The following NTPCR variants were observed in gnomAD, a reference collection of about 807,000 sequenced individuals.
NTPCR encodes cancer-related nucleoside-triphosphatase.
In NTPCR, 15 loss-of-function variants were observed where a neutral mutation model predicts 19.5. The ratio of observed to expected loss-of-function variants is 0.77; its 90% CI spans 0.51 to 1.18. The LOEUF is 1.18. Ranked by LOEUF, NTPCR falls within the 50% of genes most tolerant of loss-of-function variation. The pLI is 0.00. For synonymous variants in NTPCR, 90 were observed against 95.8 expected (o/e 0.94, Z 0.36); for missense variants, 206 against 240.4 (o/e 0.86, Z 0.95).
In NTPCR at chr1:232,982,368, C is replaced by T. The variant is rs1037583282; in HGVS notation, c.*4137C>T. 2.6e-5 allele frequency: 4 copies of T among 152,194 alleles called. No individual in the cohort carries two copies. The highest frequency in any genetic ancestry group is 6.5e-5 in the Admixed American group (1 of 15,278). 9.4% of individuals were successfully genotyped at this position (152,194 alleles called of 1,614,324 possible). On this transcript the variant is annotated 3_prime_UTR_variant, in exon 5 of 5. Transcript: ENST00000366628. Reference sequence around the variant, plus strand: ...TGCGGATGTGTGTGCACATCTGTGCCTCGGTATGCACACTCGAGATGCCCG... The same window carrying T: ...TGCGGATGTGTGTGCACATCTGTGCTTCGGTATGCACACTCGAGATGCCCG...
chr1:232,975,395 C>A (rs1265130083), intron 4 of NTPCR, among the ~76,000 whole-genome samples: 1 of 152,178 alleles, frequency 6.6e-6, no homozygotes, highest in African/African-American at 2.4e-5. Context: ...ATCTGCTGGG[C>A]ACAGATGCAG....
In NTPCR at chr1:232,978,239, T is replaced by A; in HGVS notation, c.*8T>A. 1 of 1,613,364 alleles carries A rather than the reference T, an allele frequency of 6.2e-7. No homozygotes were observed. Among genetic ancestry groups the A allele is most frequent in the Non-Finnish European group, 8.5e-7 (1 of 1,179,406 alleles). ...CAGAGCAGCAGGAAGTGAAGACACGTGCATTCCTGCCTTCCGTGAAGGAGT... is the reference window on the plus strand; with the variant it reads ...CAGAGCAGCAGGAAGTGAAGACACGAGCATTCCTGCCTTCCGTGAAGGAGT... On this transcript the variant is annotated 3_prime_UTR_variant, in exon 5 of 5. Transcript: ENST00000366628.
intron 3 of NTPCR, chr1:232,968,590 G>A (rs1474550129): frequency 6.6e-6 from 1 of 152,208 alleles, no homozygotes; most frequent in Non-Finnish European, 1.5e-5. Flanking sequence ...TTAGGATCTG[G>A]GCCCGCAGCC....
At chr1:232,959,728 T>C (rs1342108751) in intron 3 of NTPCR, among the ~76,000 whole-genome samples, 1 of 152,188 alleles carries the variant, frequency 6.6e-6, no homozygotes, top group Non-Finnish European at 1.5e-5. Context: ...CTGGGATCTA[T>C]GAAAACACAA....
At chr1:232,976,717 C>CA (rs1669134321) in intron 4 of NTPCR, 1 of 783,772 alleles carries the variant, frequency 1.3e-6, no homozygotes, top group African/African-American at 1.8e-5. Context: ...CAGCCAGGAC[C>CA]GGTAGAAATG....
chr1:232,981,386 T>A lies in NTPCR; in HGVS notation c.*3155T>A, dbSNP rs928362144. ...CCTCTTCTTTTCCTGCCAATTACCG[T>A]ATTCATAGAAGGTTGTGTCTGTGGA... is the stretch of plus-strand genomic sequence containing the variant. On this transcript the variant is annotated 3_prime_UTR_variant, in exon 5 of 5. Coordinates refer to ENST00000366628, the MANE Select transcript of NTPCR (RefSeq NM_032324.3). 8 of 152,224 alleles carry A rather than the reference T, an allele frequency of 5.3e-5. No homozygotes were observed. Among genetic ancestry groups the A allele is most frequent in the African/African-American group, 1.9e-4 (8 of 41,448 alleles). 9.4% of individuals were successfully genotyped at this position (152,224 alleles called of 1,614,324 possible).
In NTPCR at chr1:232,970,646, G is replaced by T. The variant is rs558220314; in HGVS notation, c.504+528G>T. 2.6e-5 allele frequency among the ~76,000 whole-genome samples: 4 copies of T among 152,298 alleles called. No homozygotes were observed. In the East Asian group the frequency reaches 7.7e-4, roughly 29 times the overall value. ...GGAAATGTGCTCTCTGCATTGCTCAGAACAGTAGCGACTAGCCACATCTCG... is the reference window on the plus strand; with the variant it reads ...GGAAATGTGCTCTCTGCATTGCTCATAACAGTAGCGACTAGCCACATCTCG... On this transcript the variant is annotated intron_variant, in intron 4 of 4. Coordinates refer to ENST00000366628, the MANE Select transcript of NTPCR (RefSeq NM_032324.3).
chr1:232,953,281 G>C (rs1668423524), intron 1 of NTPCR, among the ~76,000 whole-genome samples: 1 of 152,154 alleles, frequency 6.6e-6, no homozygotes, highest in Non-Finnish European at 1.5e-5. Flanking sequence ...TAATTCCAGA[G>C]CTTTCTGATC....
intron 3 of NTPCR, chr1:232,962,166 A>C (rs1369165712): frequency 6.6e-6 from 1 of 152,260 alleles, no homozygotes; most frequent in East Asian, 1.9e-4. Context: ...CATAGAATGG[A>C]AAGTTACTTG....
At chr1:232,976,064 A>G (rs1445715616) in intron 4 of NTPCR, among the ~76,000 whole-genome samples, 1 of 152,200 alleles carries the variant, frequency 6.6e-6, no homozygotes, top group Non-Finnish European at 1.5e-5. Context: ...AATTTTCAGA[A>G]ATAATCTTAG....
chr1:232,977,910 T>C (rs919180746), intron 4 of NTPCR, among the ~76,000 whole-genome samples: 2 of 152,178 alleles, frequency 1.3e-5, no homozygotes, highest in African/African-American at 4.8e-5. Context: ...CTCCCCATGG[T>C]TGGCTGAAAT....
chr1:232,962,520 C>CA (rs1668694661), intron 3 of NTPCR: 1 of 152,174 alleles, frequency 6.6e-6, no homozygotes, highest in Non-Finnish European at 1.5e-5. Context: ...TAGCTACCCT[C>CA]AATGCTTTAT....
chr1:232,973,550 C>G (rs952703719), intron 4 of NTPCR, among the ~76,000 whole-genome samples: 1 of 152,158 alleles, frequency 6.6e-6, no homozygotes, highest in Non-Finnish European at 1.5e-5. Flanking sequence ...TCAGGAATAC[C>G]TAAACCTGAG....
In NTPCR at chr1:232,980,961, A is replaced by G. The variant is rs932318503; in HGVS notation, c.*2730A>G. ...CAAAATATCTAACAGATGGTTGGAT[A>G]TGAGTCTCAGGGAGGAATTCAATTT... On this transcript the variant is annotated 3_prime_UTR_variant, in exon 5 of 5. Coordinates refer to ENST00000366628, the MANE Select transcript of NTPCR (RefSeq NM_032324.3). 2 of 152,200 alleles carry G rather than the reference A, an allele frequency of 1.3e-5. No homozygotes were observed. The highest frequency in any genetic ancestry group is 4.8e-5 in the African/African-American group (2 of 41,448). The allele number at this position is 152,200 out of a possible 1,614,324, so 9.4% of individuals were successfully genotyped here.
chr1:232,955,546 TTTTA>T lies in NTPCR; in HGVS notation c.35-7_35-4del, dbSNP rs1431315274. On this transcript the variant is annotated splice_region_variant and splice_polypyrimidine_tract_variant and intron_variant, in intron 1 of 4. Transcript: ENST00000366628. ...GCTTTTCTTCTTTTTTTTTTTTTTT[TTTTA>T]TTTTAGGAGTTGGAAAAACAACATT... 2 of 1,494,222 alleles carry T rather than the reference TTTTA, an allele frequency of 1.3e-6. No individual in the cohort carries two copies. The highest frequency in any genetic ancestry group is 1.3e-5 in the South Asian group (1 of 75,320). 92.6% of individuals were successfully genotyped at this position (1,494,222 alleles called of 1,614,324 possible).
intron 4 of NTPCR, among the ~76,000 whole-genome samples, chr1:232,974,662 C>G (rs1430383459): frequency 1.3e-5 from 2 of 152,288 alleles, no homozygotes; most frequent in Non-Finnish European, 2.9e-5. Context: ...TATTTTTATT[C>G]ATCTATTTGG....
At chr1:232,953,196 G>A (rs963041418) in intron 1 of NTPCR, among the ~76,000 whole-genome samples, 8 of 151,996 alleles carry the variant, frequency 5.3e-5, no homozygotes, top group Non-Finnish European at 1.0e-4. Flanking sequence ...CCATCATGTT[G>A]TCACTGCCCA....
At chr1:232,975,596 T>C (rs891540876) in intron 4 of NTPCR, among the ~76,000 whole-genome samples, 3 of 152,186 alleles carry the variant, frequency 2.0e-5, no homozygotes, top group Admixed American at 6.5e-5. Context: ...GGATTGGATC[T>C]GGAGGTCACA....
intron 1 of NTPCR, among the ~76,000 whole-genome samples, chr1:232,951,351 G>A (rs1668361063): frequency 6.6e-6 from 1 of 151,654 alleles, no homozygotes; most frequent in Non-Finnish European, 1.5e-5. Flanking sequence ...AGACACTCTT[G>A]CTTGTTCCTG....
Sources: allele counts gnomAD v4.1 joint callset (sites outside exome capture counted in the v4.1 genomes callset), GRCh38; gene constraint gnomAD v4.1.1; transcripts MANE v1.5; gene names NCBI Gene and HGNC (gene_info 2026-07-23, HGNC 2026-07-21).